CYFIP1: variants seen among roughly 807,000 people sequenced by gnomAD.
CYFIP1 encodes the protein cytoplasmic FMR1 interacting protein 1.
In CYFIP1, 58 loss-of-function variants were observed where a neutral mutation model predicts 163.5. The ratio of observed to expected loss-of-function variants is 0.35; its 90% CI spans 0.29 to 0.44. The LOEUF (loss-of-function observed/expected upper bound fraction) is 0.44, where lower values mean the gene tolerates loss of function less well. CYFIP1 is among the 20% of genes least tolerant of loss of function. The pLI is 1.00. For missense variants in CYFIP1, 1,338 were observed against 1,653.8 expected (o/e 0.81, Z 3.31); for synonymous variants, 663 against 660.7 (o/e 1.00, Z -0.05).
At position 22,951,247 on chromosome 15, in the gene CYFIP1, C is replaced by T. The variant is rs567738512; in HGVS notation, c.-6-3956G>A. 18 of 970,516 alleles carry T rather than the reference C, an allele frequency of 1.9e-5. No homozygotes were observed. The African/African-American group carries it at 3.0e-4, about 16-fold the overall frequency. The allele number at this position is 970,516 out of a possible 1,614,324, so 60.1% of individuals were successfully genotyped here. Reference sequence around the variant, plus strand: ...ACCTCCCCGACACGTAAGGGAACGCCCCCGACCGCAGCCGGTCACTGCTGC... The same window carrying T: ...ACCTCCCCGACACGTAAGGGAACGCTCCCGACCGCAGCCGGTCACTGCTGC... On this transcript the variant is annotated intron_variant, in intron 1 of 30. Coordinates refer to ENST00000617928, the MANE Select transcript of CYFIP1 (RefSeq NM_014608.6).
chr15:22,899,056 T>C (rs949043040), intron 22 of CYFIP1, among the ~76,000 whole-genome samples: 1 of 152,044 alleles, frequency 6.6e-6, no homozygotes, highest in African/African-American at 2.4e-5. Flanking sequence ...TAGGCTGGTC[T>C]TGAACTCCTG....
intron 1 of CYFIP1, among the ~76,000 whole-genome samples, chr15:22,956,814 C>T (rs1429543437): frequency 6.6e-6 from 1 of 152,184 alleles, no homozygotes; most frequent in African/African-American, 2.4e-5. Flanking sequence ...GGTGGCTGCA[C>T]ACACAGGGAC....
At position 22,942,697 on chromosome 15, in the gene CYFIP1, CTG is replaced by C. The variant is rs1393307916; in HGVS notation, c.569+474_569+475del. On this transcript the variant is annotated intron_variant, in intron 6 of 30. Coordinates refer to ENST00000617928, the MANE Select transcript of CYFIP1 (RefSeq NM_014608.6). ...AGTGTGACCACGAGACACCCTGTGA[CTG>C]TGCACGGGCCACGTCTGCACATTGC... Among the ~76,000 whole-genome samples, 8 of 152,332 alleles carry C rather than the reference CTG, an allele frequency of 5.3e-5. No homozygotes were observed. The East Asian group carries it at 1.4e-3, about 26-fold the overall frequency.
chr15:22,899,417 AATTC>A (rs1447417516), intron 22 of CYFIP1, among the ~76,000 whole-genome samples: 11 of 152,122 alleles, frequency 7.2e-5, no homozygotes, highest in Admixed American at 6.5e-4. Flanking sequence ...TAACTCCCAT[AATTC>A]CCACGTCTCA....
At chr15:22,894,517 T>C (rs2060171958) in intron 22 of CYFIP1, among the ~76,000 whole-genome samples, 1 of 151,522 alleles carries the variant, frequency 6.6e-6, no homozygotes, top group African/African-American at 2.4e-5. Context: ...CTTGAACTCC[T>C]GACTTCAAGT....
chr15:22,961,538 C>A (rs2062682474), intron 1 of CYFIP1, among the ~76,000 whole-genome samples: 1 of 152,034 alleles, frequency 6.6e-6, no homozygotes, highest in African/African-American at 2.4e-5. Context: ...ACCACCACGT[C>A]TGGCTAATTT....
chr15:22,884,939 A>G (rs1370637844), intron 23 of CYFIP1, among the ~76,000 whole-genome samples: 1 of 135,792 alleles, frequency 7.4e-6, no homozygotes, highest in Non-Finnish European at 1.6e-5. Flanking sequence ...GCAGGGCACC[A>G]AGTCCTGAAG....
intron 21 of CYFIP1, among the ~76,000 whole-genome samples, chr15:22,907,540 G>A (rs761329737): frequency 2.0e-5 from 3 of 152,192 alleles, no homozygotes; most frequent in Non-Finnish European, 4.4e-5. Flanking sequence ...CTCCTTGGGT[G>A]AAGGGGAGAA....
intron 21 of CYFIP1, among the ~76,000 whole-genome samples, chr15:22,906,439 A>G (rs1197800365): frequency 1.5e-5 from 2 of 135,542 alleles, no homozygotes; most frequent in Non-Finnish European, 3.2e-5. Context: ...TCTCATTTAT[A>G]TTATTCTTTC....
chr15:22,935,272 G>A (rs2061677292), intron 9 of CYFIP1, among the ~76,000 whole-genome samples: 1 of 152,168 alleles, frequency 6.6e-6, no homozygotes, highest in Non-Finnish European at 1.5e-5. Flanking sequence ...ACAGGACAGA[G>A]AACCTGGACA....
intron 21 of CYFIP1, 59 bp from the exon 22 acceptor site, chr15:22,903,964 G>A (rs749728627): frequency 3.9e-5 from 60 of 1,520,658 alleles, no homozygotes; most frequent in Middle Eastern, 1.7e-4. Flanking sequence ...AGGAGGCGCC[G>A]AGTGGCCTCT....
Position 22,917,484 on chromosome 15 carries a change from C to T in CYFIP1, c.1674+304G>A. 1 of 533,262 alleles carries T rather than the reference C, an allele frequency of 1.9e-6. No individual in the cohort carries two copies. Among genetic ancestry groups the T allele is most frequent in the South Asian group, 3.0e-5 (1 of 33,010 alleles). 33.0% of individuals were successfully genotyped at this position (533,262 alleles called of 1,614,324 possible). A position where few individuals can be genotyped will look rare whatever the true frequency, so the allele number is the denominator to read the frequency against. On this transcript the variant is annotated intron_variant, in intron 15 of 30. Coordinates refer to ENST00000617928, the MANE Select transcript of CYFIP1 (RefSeq NM_014608.6). The surrounding 1 kb of genome is among the most constrained non-coding windows in gnomAD (Gnocchi z 4.2). ...ATTATACAGACATTCAAACACCCAT[C>T]AAGAAACACAGAATGAATACAGACA...
At chr15:22,960,277 C>G (rs2062631095) in intron 1 of CYFIP1, among the ~76,000 whole-genome samples, 1 of 152,248 alleles carries the variant, frequency 6.6e-6, no homozygotes, top group South Asian at 2.1e-4. Context: ...CAGCATCAAC[C>G]TCACCAGCTT....
At chr15:22,934,177 C>CTTTTTTTTTTTTTTTTT (rs1163626431) in intron 9 of CYFIP1, among the ~76,000 whole-genome samples, 1 of 66,162 alleles carries the variant, frequency 1.5e-5, no homozygotes, top group African/African-American at 6.2e-5. Flanking sequence ...GCATTTCTTT[C>CTTTTTTTTTTTTTTTTT]TTTTTTTTTT....
chr15:22,888,733 C>CA (rs398026554), intron 23 of CYFIP1, among the ~76,000 whole-genome samples: 59,751 of 138,126 alleles, frequency 0.43, 13,078 homozygotes, highest in Admixed American at 0.58. Context: ...AACCCTGTCT[C>CA]AAAAAAAAAA....
chr15:22,932,071 A>C, intron 11 of CYFIP1, 152 bp downstream of exon 11: 1 of 602,996 alleles, frequency 1.7e-6, no homozygotes, highest in Admixed American at 3.2e-5. Flanking sequence ...CTGCCTAATG[A>C]CACATTTGTC....
chr15:22,939,284 C>T lies in CYFIP1; in HGVS notation c.703G>A (p.Glu235Lys). The part of the protein sequence containing the change: ...QQQLEVISGY[E>K]ELLADIVNLC... ...TTCACAATATCTGCCAGGAGCTCTT[C>T]GTAGCCAGAAATCACTTCGAGCTGC... The change falls in exon 8 of 31, where the codon GAA (glutamate) becomes AAA (lysine). Residue 235 changes from glutamate (E) to lysine (K), a missense_variant. Glu to Lys is a moderately conservative substitution (Grantham distance 56). This residue lies in a region of CYFIP1 where 824 missense variants were observed against 995.7 expected (regional missense o/e 0.83). Transcript: ENST00000617928. The T allele has an allele frequency of 4.3e-6, 7 of 1,614,164 alleles. No homozygotes were observed. Among genetic ancestry groups the T allele is most frequent in the Non-Finnish European group, 5.9e-6 (7 of 1,180,022 alleles).
At chr15:22,957,443 T>C (rs1267994705) in intron 1 of CYFIP1, among the ~76,000 whole-genome samples, 1 of 152,156 alleles carries the variant, frequency 6.6e-6, no homozygotes, top group East Asian at 1.9e-4. Flanking sequence ...AAGACCATCC[T>C]AGCTAACACG....
intron 1 of CYFIP1, among the ~76,000 whole-genome samples, chr15:22,971,067 ATC>A (rs1364315628): frequency 6.6e-6 from 1 of 152,070 alleles, no homozygotes; most frequent in Non-Finnish European, 1.5e-5. Context: ...CAGAGCAAGG[ATC>A]TGTCTCGAAA....
Sources: allele counts gnomAD v4.1 joint callset (sites outside exome capture counted in the v4.1 genomes callset), GRCh38; gene constraint gnomAD v4.1.1; regional missense constraint gnomAD v4.1.1; non-coding constraint Gnocchi (gnomAD v3.1); transcripts MANE v1.5; gene names NCBI Gene and HGNC (gene_info 2026-07-23, HGNC 2026-07-21).